CACNA1A: variants seen among roughly 807,000 people sequenced by gnomAD.
CACNA1A encodes the protein voltage-dependent P/Q-type calcium channel subunit alpha-1A.
CACNA1A carries 57 observed loss-of-function variants against 262.4 expected under a neutral mutation model. The ratio of observed to expected loss-of-function variants is 0.22; its 90% CI spans 0.18 to 0.27. The LOEUF is 0.27. Ranked by LOEUF, CACNA1A falls within the 10% of genes least tolerant of loss-of-function variation. The pLI, the probability that CACNA1A is intolerant of heterozygous loss-of-function variation, is 1.00. For missense variants in CACNA1A, 2,526 were observed against 3,562.8 expected, an observed-to-expected ratio of 0.71 and a Z score of 7.41; for synonymous variants, 1,431 against 1,419.3, an observed-to-expected ratio of 1.01 and a Z score of -0.18.
rs1393911937 is a variant in CACNA1A at position 13,241,559 on chromosome 19, G to C, written c.4950+3623C>G. ...CAGATGTTGAAGATGAGGGGGAGCG[G>C]GCGGGCGGGGGCAGTTGGGGAGGCG... On this transcript the variant is annotated intron_variant, in intron 31 of 46. Transcript: ENST00000360228. The surrounding 1 kb of genome is among the most constrained non-coding windows in gnomAD (Gnocchi z 4.0). 3 of 1,204,688 alleles carry C rather than the reference G, an allele frequency of 2.5e-6. No individual in the cohort carries two copies. In the Admixed American group the frequency reaches 5.9e-5, roughly 24 times the overall value. 74.6% of individuals were successfully genotyped at this position (1,204,688 alleles called of 1,614,324 possible). A position where few individuals can be genotyped will look rare whatever the true frequency, so the allele number is the denominator to read the frequency against.
chr19:13,481,458 G>T (rs186328557), intron 1 of CACNA1A, among the ~76,000 whole-genome samples: 1 of 152,132 alleles, frequency 6.6e-6, no homozygotes, highest in Admixed American at 6.5e-5. Flanking sequence ...GAAGAAGGCC[G>T]GTTAAGCTTG....
intron 34 of CACNA1A, among the ~76,000 whole-genome samples, chr19:13,233,586 C>T (rs1037675916): frequency 1.3e-5 from 2 of 152,232 alleles, no homozygotes; most frequent in African/African-American, 2.4e-5. Flanking sequence ...CTCCTGGGCT[C>T]GAGCAATCCT....
chr19:13,433,153 C>T (rs1379179702), intron 3 of CACNA1A, among the ~76,000 whole-genome samples: 3 of 151,620 alleles, frequency 2.0e-5, no homozygotes, highest in East Asian at 1.9e-4. Flanking sequence ...ATTAGCCAGG[C>T]GAGGTAGCAG....
intron 6 of CACNA1A, 53 bp downstream of exon 6, chr19:13,359,553 G>T: frequency 7.0e-7 from 1 of 1,435,136 alleles, no homozygotes; most frequent in Non-Finnish European, 9.7e-7. Flanking sequence ...GTCCCAGGAG[G>T]CCACCTCCCT....
chr19:13,416,538 G>A (rs564544048), intron 3 of CACNA1A, among the ~76,000 whole-genome samples: 36 of 152,230 alleles, frequency 2.4e-4, no homozygotes, highest in African/African-American at 6.5e-4. Flanking sequence ...AAAATCGGCC[G>A]GGCGCGGTGG....
At chr19:13,306,955 G>A (rs1454048804) in intron 15 of CACNA1A, among the ~76,000 whole-genome samples, 1 of 151,992 alleles carries the variant, frequency 6.6e-6, no homozygotes, top group Non-Finnish European at 1.5e-5. Flanking sequence ...GGATCTGTGA[G>A]TATAACAAAC....
chr19:13,460,882 G>A (rs906093293), intron 1 of CACNA1A, among the ~76,000 whole-genome samples: 12 of 151,680 alleles, frequency 7.9e-5, no homozygotes, highest in Non-Finnish European at 1.2e-4. Flanking sequence ...TTTAGTCCCC[G>A]TCCCCAGTCA....
At chr19:13,503,843 C>A (rs1357962021) in intron 1 of CACNA1A, among the ~76,000 whole-genome samples, 1 of 152,054 alleles carries the variant, frequency 6.6e-6, no homozygotes, top group Non-Finnish European at 1.5e-5. Flanking sequence ...AAGCCCCGGG[C>A]GAGCTGGCCA....
chr19:13,352,105 T>A (rs1429221914), intron 6 of CACNA1A, among the ~76,000 whole-genome samples: 2 of 152,192 alleles, frequency 1.3e-5, no homozygotes, highest in African/African-American at 2.4e-5. Flanking sequence ...ACCCGAGACC[T>A]TCTTCTTTCT....
At chr19:13,254,267 G>A (rs1047482708) in intron 29 of CACNA1A, among the ~76,000 whole-genome samples, 8 of 152,106 alleles carry the variant, frequency 5.3e-5, no homozygotes, top group African/African-American at 1.9e-4. Flanking sequence ...AAAGCACAGG[G>A]TGAAAGGTTT....
chr19:13,279,705 G>A (rs1178090706), intron 22 of CACNA1A, among the ~76,000 whole-genome samples: 2 of 151,964 alleles, frequency 1.3e-5, no homozygotes, highest in African/African-American at 4.8e-5. Flanking sequence ...GTCTGGTCTC[G>A]AACTCCTGAC....
At chr19:13,325,800 T>C (rs1017337019) in intron 10 of CACNA1A, among the ~76,000 whole-genome samples, 1 of 152,234 alleles carries the variant, frequency 6.6e-6, no homozygotes, top group Non-Finnish European at 1.5e-5. Context: ...TATCTATTTA[T>C]AGTGCATAAC....
intron 3 of CACNA1A, among the ~76,000 whole-genome samples, chr19:13,449,495 G>C (rs535706959): frequency 7.1e-4 from 107 of 151,728 alleles, no homozygotes; most frequent in Non-Finnish European, 1.3e-3. Context: ...TCATTTTGTA[G>C]AGACAGGGTT....
At chr19:13,372,546 C>G (rs1175418738) in intron 3 of CACNA1A, among the ~76,000 whole-genome samples, 1 of 152,146 alleles carries the variant, frequency 6.6e-6, no homozygotes, top group Non-Finnish European at 1.5e-5. Flanking sequence ...GTTCAGATCC[C>G]AGATCTGCCA....
chr19:13,323,225 C>T (rs535674476), intron 10 of CACNA1A, among the ~76,000 whole-genome samples: 1 of 152,222 alleles, frequency 6.6e-6, no homozygotes, highest in Admixed American at 6.5e-5. Context: ...CAACACTGCG[C>T]TCCAGCTTGG....
Position 13,474,687 on chromosome 19 carries a change from G to T in CACNA1A, c.294-19475C>A, listed in dbSNP as rs1459876708. On this transcript the variant is annotated intron_variant, in intron 1 of 46. Coordinates refer to ENST00000360228, the MANE Select transcript of CACNA1A (RefSeq NM_001127222.2). ...CAAAAATTAGCCGGGAGTGGTGGCA[G>T]ACACCTGTAGTCCCAGCTACTTGGG... Among the ~76,000 whole-genome samples the T allele has an allele frequency of 2.6e-5, 4 of 152,172 alleles. No homozygotes were observed. In the East Asian group the frequency reaches 7.7e-4, roughly 29 times the overall value.
chr19:13,234,272 C>T (rs1442676496), intron 34 of CACNA1A, among the ~76,000 whole-genome samples: 1 of 144,530 alleles, frequency 6.9e-6, no homozygotes, highest in African/African-American at 2.6e-5. Context: ...ATGGCGTGAA[C>T]CCGGGAGGCG....
chr19:13,389,234 G>T (rs1377000033), intron 3 of CACNA1A, among the ~76,000 whole-genome samples: 1 of 152,146 alleles, frequency 6.6e-6, no homozygotes, highest in Admixed American at 6.5e-5. Context: ...CCATCCCGTA[G>T]TATCTGTCGG....
chr19:13,485,667 A>G (rs1223886427), intron 1 of CACNA1A, among the ~76,000 whole-genome samples: 1 of 152,210 alleles, frequency 6.6e-6, no homozygotes, highest in African/African-American at 2.4e-5. Context: ...TAAAATCACA[A>G]TGAGAAATCA....
Sources: allele counts gnomAD v4.1 joint callset (sites outside exome capture counted in the v4.1 genomes callset), GRCh38; gene constraint gnomAD v4.1.1; non-coding constraint Gnocchi (gnomAD v3.1); transcripts MANE v1.5; gene names NCBI Gene and HGNC (gene_info 2026-07-23, HGNC 2026-07-21).